The following ZBTB7C variants were observed in gnomAD, a reference collection of about 807,000 sequenced individuals.
ZBTB7C encodes zinc finger and BTB domain-containing protein 7C.
Under a neutral mutation model 25.7 loss-of-function variants are expected in ZBTB7C, and 8 were observed. The ratio of observed to expected loss-of-function variants is 0.31; its 90% CI spans 0.18 to 0.56. The LOEUF is 0.56. Among genes scored for constraint, ZBTB7C ranks in the 20% least tolerant of loss-of-function variants. The probability of loss-of-function intolerance (pLI) is 0.91; values close to 1 mark genes in which losing one functional copy is unlikely to be tolerated. For synonymous variants in ZBTB7C, 394 were observed against 369.0 expected (o/e 1.07, Z -0.78); for missense variants, 824 against 855.2 (o/e 0.96, Z 0.46).
chr18:48,369,498 C>CA (rs1310117849), intron 1 of ZBTB7C, among the ~76,000 whole-genome samples: 1 of 151,732 alleles, frequency 6.6e-6, no homozygotes, highest in Admixed American at 6.6e-5. Context: ...ACTCTGTCTA[C>CA]AAAAAATTCA....
chr18:48,365,989 A>G (rs544251793), intron 1 of ZBTB7C, among the ~76,000 whole-genome samples: 1 of 152,354 alleles, frequency 6.6e-6, no homozygotes, highest in South Asian at 2.1e-4. Context: ...TGTCCCTGAA[A>G]CAGGTTCAAT....
intron 3 of ZBTB7C, among the ~76,000 whole-genome samples, chr18:48,163,534 T>C (rs2041142681): frequency 6.6e-6 from 1 of 152,174 alleles, no homozygotes; most frequent in Admixed American, 6.5e-5. Flanking sequence ...CTCCCCAAAG[T>C]AGCTCAGGAA....
intron 1 of ZBTB7C, among the ~76,000 whole-genome samples, chr18:48,355,505 T>G (rs2046957943): frequency 6.6e-6 from 1 of 152,146 alleles, no homozygotes; most frequent in Non-Finnish European, 1.5e-5. Flanking sequence ...CTCTCCTTCC[T>G]GCCCCTCCTA....
intron 1 of ZBTB7C, among the ~76,000 whole-genome samples, chr18:48,408,943 G>A (rs1469153315): frequency 2.8e-4 from 24 of 85,314 alleles, no homozygotes; most frequent in African/African-American, 1.1e-3. Flanking sequence ...CCCTCCTCCC[G>A]CCTCCTCCGT....
chr18:48,316,615 GAAAAGCC>G (rs2045954104), intron 2 of ZBTB7C, among the ~76,000 whole-genome samples: 1 of 152,178 alleles, frequency 6.6e-6, no homozygotes, highest in Non-Finnish European at 1.5e-5. Context: ...TGGTTGTTTT[GAAAAGCC>G]TGGCATCTCT....
chr18:48,305,584 G>GAGAAT (rs969558722), intron 2 of ZBTB7C, among the ~76,000 whole-genome samples: 1 of 152,200 alleles, frequency 6.6e-6, no homozygotes, highest in African/African-American at 2.4e-5. Context: ...TCCAAGTGGA[G>GAGAAT]AGAATAGTAA....
chr18:48,166,798 A>T (rs1461749555), intron 3 of ZBTB7C, among the ~76,000 whole-genome samples: 3 of 152,164 alleles, frequency 2.0e-5, no homozygotes, highest in African/African-American at 4.8e-5. Context: ...GTTTTGCTGA[A>T]GTGTGCCTGG....
At chr18:48,258,211 T>C (rs1198368252) in intron 2 of ZBTB7C, among the ~76,000 whole-genome samples, 2 of 152,196 alleles carry the variant, frequency 1.3e-5, no homozygotes, top group Non-Finnish European at 2.9e-5. Flanking sequence ...CTATTCAACA[T>C]TGTCCTGAAT....
At chr18:48,291,471 AG>A (rs1480862350) in intron 2 of ZBTB7C, among the ~76,000 whole-genome samples, 1 of 152,162 alleles carries the variant, frequency 6.6e-6, no homozygotes, top group Non-Finnish European at 1.5e-5. Flanking sequence ...GCAACAGCAA[AG>A]GAGCAAAGCA....
chr18:48,244,127 T>C (rs927761670), intron 2 of ZBTB7C, among the ~76,000 whole-genome samples: 14 of 152,196 alleles, frequency 9.2e-5, no homozygotes, highest in Admixed American at 2.6e-4. Flanking sequence ...ACAGAGTTCA[T>C]GACCAAGAAC....
rs540039701 is a variant in ZBTB7C at position 48,042,006 on chromosome 18, C to T, written c.-16-883G>A. ...TACATAAAGTATGGCCAGTGGCAGC[C>T]ACCAGAAGAAAGCAGGGCACGACAG... is the stretch of plus-strand genomic sequence containing the variant. On this transcript the variant is annotated intron_variant, in intron 3 of 4. Transcript: ENST00000590800. Among the ~76,000 whole-genome samples the T allele has an allele frequency of 2.6e-5, 4 of 152,310 alleles. No homozygotes were observed. The South Asian group carries it at 6.2e-4, about 24-fold the overall frequency.
At chr18:48,338,496 CTTTA>C (rs2144954523) in intron 1 of ZBTB7C, 98 bp from the exon 2 acceptor site, 1 of 152,270 alleles carries the variant, frequency 6.6e-6, no homozygotes, top group African/African-American at 2.4e-5. Flanking sequence ...TTCTCTTTCT[CTTTA>C]TTATTAGGGC....
At chr18:48,361,570 T>C (rs928364705) in intron 1 of ZBTB7C, among the ~76,000 whole-genome samples, 2 of 152,238 alleles carry the variant, frequency 1.3e-5, no homozygotes, top group South Asian at 4.1e-4. Flanking sequence ...CCTAGGTACA[T>C]ATGCTGCTCT....
At chr18:48,094,594 TA>T (rs891985051) in intron 3 of ZBTB7C, among the ~76,000 whole-genome samples, 2 of 152,192 alleles carry the variant, frequency 1.3e-5, no homozygotes, top group African/African-American at 2.4e-5. Flanking sequence ...GGAAGTAGTT[TA>T]AAAAAAATTC....
At chr18:48,137,011 C>A in intron 3 of ZBTB7C, 1 of 985,214 alleles carries the variant, frequency 1.0e-6, no homozygotes, top group Non-Finnish European at 1.2e-6. Context: ...ACCCACCTGG[C>A]CGCCCCGGGG....
At chr18:48,189,769 T>C (rs1278004315) in intron 2 of ZBTB7C, among the ~76,000 whole-genome samples, 1 of 152,160 alleles carries the variant, frequency 6.6e-6, no homozygotes, top group Non-Finnish European at 1.5e-5. Flanking sequence ...CTCGCCTTGC[T>C]CTCATTAGAT....
At position 48,208,459 on chromosome 18, in the gene ZBTB7C, G is replaced by T. The variant is rs373221290; in HGVS notation, c.-78-22464C>A. Among the ~76,000 whole-genome samples, 9 of 151,948 alleles carry T rather than the reference G, an allele frequency of 5.9e-5. No homozygotes were observed. The East Asian group carries it at 1.7e-3, about 29-fold the overall frequency. On this transcript the variant is annotated intron_variant, in intron 2 of 4. Transcript: ENST00000590800. ...TTCCTTTTTAAAACCCCAGATCTTCGAACTCATGTCTCTCTAACTTCTACT... is the reference window on the plus strand; with the variant it reads ...TTCCTTTTTAAAACCCCAGATCTTCTAACTCATGTCTCTCTAACTTCTACT...
intron 3 of ZBTB7C, among the ~76,000 whole-genome samples, chr18:48,131,267 C>A (rs2039976888): frequency 6.6e-6 from 1 of 152,242 alleles, no homozygotes; most frequent in African/African-American, 2.4e-5. Context: ...AACTGCTGGA[C>A]TAAGCACCAT....
At chr18:48,332,330 C>A (rs1030242669) in intron 2 of ZBTB7C, among the ~76,000 whole-genome samples, 3 of 152,214 alleles carry the variant, frequency 2.0e-5, no homozygotes, top group Admixed American at 6.5e-5. Flanking sequence ...GTAGTTAGAG[C>A]TATCACTTTA....
Sources: gnomAD v4.1 joint callset for allele counts (sites outside exome capture counted in the v4.1 genomes callset) on GRCh38, gnomAD v4.1.1 for gene constraint, MANE v1.5 for transcripts, NCBI Gene and HGNC (gene_info 2026-07-23, HGNC 2026-07-21) for gene names.